The following SUSD2 variants were observed in gnomAD, a reference collection of about 807,000 sequenced individuals.
The protein encoded by SUSD2 is sushi domain-containing protein 2.
SUSD2 carries 86 observed loss-of-function variants against 93.8 expected under a neutral mutation model. The ratio of observed to expected loss-of-function variants is 0.92; its 90% CI spans 0.77 to 1.10. The LOEUF is 1.10. SUSD2 is among the 50% of genes least tolerant of loss of function. The pLI is 0.00. For missense variants in SUSD2, 1,060 were observed against 1,137.0 expected (o/e 0.93, Z 0.97); for synonymous variants, 483 against 485.0 (o/e 1.00, Z 0.05).
intron 2 of SUSD2, 21 bp from the exon 3 acceptor site, chr22:24,183,474 C>G (rs761352400): frequency 6.9e-6 from 11 of 1,597,034 alleles, no homozygotes; most frequent in African/African-American, 2.7e-5. Flanking sequence ...CCAGCCCCTC[C>G]CACCACCACC....
At chr22:24,182,926 C>T (rs1288915165) in intron 1 of SUSD2, 131 bp from the exon 2 acceptor site, 12 of 701,514 alleles carry the variant, frequency 1.7e-5, no homozygotes, top group Admixed American at 2.7e-5. Flanking sequence ...GTGGCCTGTG[C>T]AGTTCCTGGC....
intron 1 of SUSD2, among the ~76,000 whole-genome samples, chr22:24,182,345 C>T (rs1349420848): frequency 3.9e-5 from 6 of 152,186 alleles, no homozygotes; most frequent in Non-Finnish European, 8.8e-5. Flanking sequence ...GTTTTGGGCC[C>T]GGCGCCCACA....
At chr22:24,184,636 G>A in intron 4 of SUSD2, 130 bp from the exon 5 acceptor site, 1 of 739,952 alleles carries the variant, frequency 1.4e-6, no homozygotes, top group South Asian at 1.8e-5. Context: ...CGGGGTCCCT[G>A]CTAGAACAGC....
chr22:24,183,454 C>A, intron 2 of SUSD2, 41 bp from the exon 3 acceptor site: 1 of 1,591,850 alleles, frequency 6.3e-7, no homozygotes, highest in Non-Finnish European at 8.5e-7. Context: ...GAGGCTCAGC[C>A]TGCAATGACC....
intron 7 of SUSD2, 32 bp downstream of exon 7, chr22:24,185,603 T>C (rs540805509): frequency 3.1e-6 from 5 of 1,603,896 alleles, no homozygotes; most frequent in Non-Finnish European, 4.3e-6. Context: ...GGTATGGGGA[T>C]TGGGGTCAGG....
Position 24,186,511 on chromosome 22 carries a change from C to T in SUSD2, c.1642+96C>T, listed in dbSNP as rs1601341847. 3 of 1,460,062 alleles carry T rather than the reference C, an allele frequency of 2.1e-6. No homozygotes were observed. In the Admixed American group the frequency reaches 6.0e-5, roughly 29 times the overall value. The allele number at this position is 1,460,062 out of a possible 1,614,324, so 90.4% of individuals were successfully genotyped here. On this transcript the variant is annotated intron_variant, in intron 10 of 14. Coordinates refer to ENST00000358321, the MANE Select transcript of SUSD2 (RefSeq NM_019601.4). ...GGAAGCCCTGGGCCTTCATGCCTCT[C>T]CCAGTCCTGGCTAGAGGCCTGGGTG...
intron 2 of SUSD2, 54 bp from the exon 3 acceptor site, chr22:24,183,441 C>A: frequency 6.3e-7 from 1 of 1,580,280 alleles, no homozygotes; most frequent in South Asian, 1.1e-5. Context: ...CCCAGACCAT[C>A]GAGAGGCTCA....
intron 3 of SUSD2, 180 bp downstream of exon 3, chr22:24,183,826 G>A (rs570854324): frequency 9.3e-5 from 70 of 752,998 alleles, no homozygotes; most frequent in South Asian, 1.1e-4. Context: ...TCCAGACCGC[G>A]GTCCCAGCCC....
chr22:24,181,622 C>G, intron 1 of SUSD2, 27 bp downstream of exon 1: 14 of 1,545,702 alleles, frequency 9.1e-6, no homozygotes, highest in Non-Finnish European at 1.1e-5. Flanking sequence ...TTCTGTGTCC[C>G]CGTCTGTCTG....
rs111724227 is a variant in SUSD2 at position 24,186,971 on chromosome 22, T to C, written c.1643-231T>C. The C allele has an allele frequency of 2.4e-4, 141 of 594,588 alleles. 1 individual carries two copies. The highest frequency in any genetic ancestry group is 1.9e-3 in the African/African-American group (100 of 53,822). The allele number at this position is 594,588 out of a possible 1,614,324, so 36.8% of individuals were successfully genotyped here. On this transcript the variant is annotated intron_variant, in intron 10 of 14. Coordinates refer to ENST00000358321, the MANE Select transcript of SUSD2 (RefSeq NM_019601.4). Reference sequence around the variant, plus strand: ...AGGGACCCACACGTGCATCTCAACATGGGGGATTCACTGCAGGGGCTGCAC... The same window carrying C: ...AGGGACCCACACGTGCATCTCAACACGGGGGATTCACTGCAGGGGCTGCAC...
Position 24,188,199 on chromosome 22 carries a change from C to T in SUSD2, c.2342-26C>T, listed in dbSNP as rs2047383638. ...CCCACTCACCACCCCAGAGAGCCCC[C>T]TCACTGACACTCGCTCCCTCACCAG... On this transcript the variant is annotated intron_variant, in intron 13 of 14. Transcript: ENST00000358321. This position sits in a 1 kb window ranked among gnomAD's most constrained non-coding sequence, Gnocchi z 4.7. The T allele has an allele frequency of 6.3e-7, 1 of 1,589,062 alleles. No individual in the cohort carries two copies. The highest frequency in any genetic ancestry group is 1.1e-5 in the South Asian group (1 of 88,188).
In SUSD2 at chr22:24,187,785, C is replaced by G; in HGVS notation, c.2106C>G (p.Gly702=). ...CAGCCACTGGGAGCCTGAGCACGGG[C>G]ACTGCCACTCGGGTGGCCCACCAGC... is the stretch of plus-strand genomic sequence containing the variant. The part of the protein sequence containing the change: ...DVAATGSLST[G]TATRVAHQLH... Residue 702 remains glycine, a synonymous_variant, in exon 12 of 15, where the codon GGC becomes GGG. Transcript: ENST00000358321. The G allele has an allele frequency of 1.2e-6, 2 of 1,613,770 alleles. No individual in the cohort carries two copies. The highest frequency in any genetic ancestry group is 1.7e-6 in the Non-Finnish European group (2 of 1,179,984).
chr22:24,183,414 C>T (rs2148865279), intron 2 of SUSD2, 81 bp from the exon 3 acceptor site: 2 of 1,560,786 alleles, frequency 1.3e-6, no homozygotes, highest in Non-Finnish European at 8.7e-7. Context: ...GGTTGGGTTC[C>T]CCAGGGAGGT....
intron 1 of SUSD2, among the ~76,000 whole-genome samples, 181 bp downstream of exon 1, chr22:24,181,776 G>T (rs1365718806): frequency 6.6e-6 from 1 of 152,180 alleles, no homozygotes; most frequent in Non-Finnish European, 1.5e-5. Context: ...GGGATGGGAG[G>T]TCTGAGCCGG....
At chr22:24,187,483 G>C (rs762075647) in intron 11 of SUSD2, 33 bp downstream of exon 11, 1 of 1,607,842 alleles carries the variant, frequency 6.2e-7, no homozygotes, top group Non-Finnish European at 8.5e-7. Flanking sequence ...GGGCAGACGG[G>C]GTGGGGGTTA....
chr22:24,186,368 AC>A lies in SUSD2; in HGVS notation c.1597del (p.Gln533ArgfsTer4), dbSNP rs1170777361. On this transcript the variant is annotated frameshift_variant, in exon 10 of 15. Transcript: ENST00000358321. LOFTEE classifies it high-confidence loss of function. ...ACCGGAGGTCTGGAGGTGCTGCTGA[AC>A]CAGGAGGTGCTGAGCTTCACCGAGC... Reference protein sequence around the residue: ...NRTGGLEVLLNQEVLSFTEQS... With the variant: ...NRTGGLEVLLXQEVLSFTEQS... The A allele has an allele frequency of 6.2e-7, 1 of 1,613,796 alleles. No homozygotes were observed. Among genetic ancestry groups the A allele is most frequent in the Non-Finnish European group, 8.5e-7 (1 of 1,180,028 alleles).
chr22:24,187,713 G>A lies in SUSD2; in HGVS notation c.2034G>A (p.Glu678=). 6.2e-7 allele frequency: 1 copy of A among 1,614,080 alleles called. No individual in the cohort carries two copies. Among genetic ancestry groups the A allele is most frequent in the Non-Finnish European group, 8.5e-7 (1 of 1,180,042 alleles). ...ETTLNPSLAQ[E]AAKLCGDDHF... ...CCCTCAACCCCAGCCTGGCACAAGA[G>A]GCAGCCAAACTATGTGGGGACGATC... The change falls in exon 12 of 15, where the codon GAG becomes GAA. Residue 678 remains glutamate (E), a synonymous_variant. Coordinates refer to ENST00000358321, the MANE Select transcript of SUSD2 (RefSeq NM_019601.4).
intron 10 of SUSD2, chr22:24,186,938 A>C: frequency 1.8e-6 from 1 of 550,532 alleles, no homozygotes; most frequent in Non-Finnish European, 3.3e-6. Context: ...TGCTGCAGCC[A>C]AGGCCAGAGG....
chr22:24,186,580 AC>A, intron 10 of SUSD2, 165 bp downstream of exon 10: 1 of 784,748 alleles, frequency 1.3e-6, no homozygotes, highest in Non-Finnish European at 2.0e-6. Flanking sequence ...CCCCCGTCGT[AC>A]CCACCTGGTC....
Sources: allele counts gnomAD v4.1 joint callset (sites outside exome capture counted in the v4.1 genomes callset), GRCh38; gene constraint gnomAD v4.1.1; non-coding constraint Gnocchi (gnomAD v3.1); transcripts MANE v1.5; gene names NCBI Gene and HGNC (gene_info 2026-07-23, HGNC 2026-07-21).